Variants in SVEP1 observed in about 807,000 individuals in gnomAD.
SVEP1 encodes sushi, von Willebrand factor type A, EGF and pentraxin domain-containing protein 1.
A neutral mutation model predicts 367.3 loss-of-function variants in SVEP1; 164 were observed. That is an observed-to-expected ratio of 0.45 (90% CI 0.39 to 0.51). The LOEUF (loss-of-function observed/expected upper bound fraction) is 0.51, where lower values mean the gene tolerates loss of function less well. SVEP1 is among the 20% of genes least tolerant of loss of function. The pLI, the probability that SVEP1 is intolerant of heterozygous loss-of-function variation, is 0.00. For synonymous variants in SVEP1, 1,666 were observed against 1,611.6 expected (o/e 1.03, Z -0.81); for missense variants, 4,117 against 4,425.3 (o/e 0.93, Z 1.98).
chr9:110,383,971 A>AT (rs369712970), intron 43 of SVEP1, among the ~76,000 whole-genome samples: 17 of 150,872 alleles, frequency 1.1e-4, no homozygotes, highest in African/African-American at 3.9e-4. Context: ...GGGAAAAAAA[A>AT]ATGGTAGACT....
chr9:110,391,873 T>TG (rs1827660880), intron 40 of SVEP1, among the ~76,000 whole-genome samples: 1 of 151,598 alleles, frequency 6.6e-6, no homozygotes, highest in Non-Finnish European at 1.5e-5. Context: ...ATGTGGAGGG[T>TG]GGGGGGCATC....
intron 40 of SVEP1, among the ~76,000 whole-genome samples, chr9:110,394,637 C>A (rs1443381442): frequency 6.6e-6 from 1 of 152,072 alleles, no homozygotes; most frequent in East Asian, 1.9e-4. Context: ...CTAGAATAAC[C>A]AATGCAGAGA....
In SVEP1 at chr9:110,579,124, G is replaced by C; in HGVS notation, c.420C>G (p.Ile140Met). Reference sequence around the variant, plus strand: ...TGTGCTGGCGCGCGCGGCGGGTGGAGATGTAATCGACGCGCGGCACCACGT... The same window carrying C: ...TGTGCTGGCGCGCGCGGCGGGTGGACATGTAATCGACGCGCGGCACCACGT... ...KNYVVPRVDYISTRRARQHKC... is the reference protein window; with the variant it reads ...KNYVVPRVDYMSTRRARQHKC... Residue 140 changes from isoleucine to methionine, a missense_variant, in exon 1 of 48, where the codon ATC (isoleucine) becomes ATG (methionine). By Grantham distance (10) the Ile-to-Met change is conservative (BLOSUM62 1). Transcript: ENST00000374469. This position sits in a 1 kb window ranked among gnomAD's most constrained non-coding sequence, Gnocchi z 5.3. The C allele has an allele frequency of 6.4e-7, 1 of 1,554,150 alleles. No homozygotes were observed. The highest frequency in any genetic ancestry group is 1.2e-5 in the South Asian group (1 of 84,220).
chr9:110,563,566 A>T (rs561669450), intron 1 of SVEP1, among the ~76,000 whole-genome samples: 15 of 152,330 alleles, frequency 9.8e-5, no homozygotes, highest in African/African-American at 3.4e-4. Flanking sequence ...CAAATTCACA[A>T]AGAATGAGGG....
intron 36 of SVEP1, among the ~76,000 whole-genome samples, chr9:110,426,706 T>C (rs909866511): frequency 1.3e-5 from 2 of 152,194 alleles, no homozygotes; most frequent in African/African-American, 4.8e-5. Flanking sequence ...CCCTCCATAC[T>C]TTATTGGTTG....
At chr9:110,555,380 G>T (rs568321473) in intron 1 of SVEP1, among the ~76,000 whole-genome samples, 3 of 152,276 alleles carry the variant, frequency 2.0e-5, no homozygotes, top group Non-Finnish European at 4.4e-5. Context: ...TGAATGAGTT[G>T]GTCTTGAGTG....
intron 46 of SVEP1, 26 bp from the exon 47 acceptor site, chr9:110,370,042 T>TTTAA (rs780088228): frequency 3.8e-6 from 6 of 1,596,988 alleles, no homozygotes; most frequent in African/African-American, 2.7e-5. Flanking sequence ...CATGCATTTA[T>TTTAA]TTAATTAATA....
At chr9:110,525,858 A>G (rs1035520668) in intron 3 of SVEP1, among the ~76,000 whole-genome samples, 2 of 152,034 alleles carry the variant, frequency 1.3e-5, no homozygotes, top group Non-Finnish European at 2.9e-5. Context: ...TACGTGTACC[A>G]TGGTGGCTTG....
chr9:110,375,625 A>G (rs1041572484), intron 45 of SVEP1, among the ~76,000 whole-genome samples, 162 bp from the exon 46 acceptor site: 8 of 152,172 alleles, frequency 5.3e-5, no homozygotes, highest in Non-Finnish European at 1.0e-4. Flanking sequence ...TCTGCTTATT[A>G]ATGAGTATCA....
chr9:110,398,358 A>C (rs952052305), intron 40 of SVEP1, among the ~76,000 whole-genome samples: 7 of 152,230 alleles, frequency 4.6e-5, no homozygotes, highest in Non-Finnish European at 8.8e-5. Context: ...TGGATTAAAG[A>C]CTTAAATGTT....
intron 39 of SVEP1, among the ~76,000 whole-genome samples, chr9:110,402,595 A>C (rs1827881173): frequency 6.6e-6 from 1 of 152,226 alleles, no homozygotes; most frequent in African/African-American, 2.4e-5. Flanking sequence ...TGACTTAAAA[A>C]AAAAAGAGCT....
At chr9:110,544,893 C>G (rs1830198931) in intron 3 of SVEP1, among the ~76,000 whole-genome samples, 1 of 152,128 alleles carries the variant, frequency 6.6e-6, no homozygotes. Context: ...TAATTTATAT[C>G]TGTTACCCAA....
intron 1 of SVEP1, among the ~76,000 whole-genome samples, chr9:110,557,546 T>C (rs781084476): frequency 2.0e-5 from 3 of 148,712 alleles, no homozygotes; most frequent in Non-Finnish European, 3.0e-5. Flanking sequence ...GGAATTCTTA[T>C]ACTTTATATC....
chr9:110,555,363 A>G (rs960067915), intron 1 of SVEP1, among the ~76,000 whole-genome samples: 2 of 152,082 alleles, frequency 1.3e-5, no homozygotes, highest in African/African-American at 4.8e-5. Context: ...TCTGGAGCAG[A>G]GTTACTTGAA....
At chr9:110,443,783 G>A in intron 26 of SVEP1, 63 bp from the exon 27 acceptor site, 2 of 1,350,408 alleles carry the variant, frequency 1.5e-6, no homozygotes, top group Non-Finnish European at 1.9e-6. Context: ...CTTACTGTGG[G>A]GCATGCTACA....
chr9:110,375,463 G>A lies in SVEP1; in HGVS notation c.10505C>T (p.Pro3502Leu), dbSNP rs1460359038. ...GTTCAGACAGGGAAGAATGCAGATTGCTAAAAAAAAAAAAAAAAAAAAAAA... is the reference window on the plus strand; with the variant it reads ...GTTCAGACAGGGAAGAATGCAGATTACTAAAAAAAAAAAAAAAAAAAAAAA... ...EGWMGRLCEE[P>L]ICILPCLNGG... is the part of the protein sequence containing the mutation. Residue 3502 changes from proline (P) to leucine (L), a missense_variant and splice_region_variant, in exon 46 of 48, where the codon CCA becomes CTA. Coordinates refer to ENST00000374469, the MANE Select transcript of SVEP1 (RefSeq NM_153366.4). 9 of 387,752 alleles carry A rather than the reference G, an allele frequency of 2.3e-5. No individual in the cohort carries two copies. Among genetic ancestry groups the A allele is most frequent in the South Asian group, 4.1e-5 (1 of 24,302 alleles). 24.0% of individuals were successfully genotyped at this position (387,752 alleles called of 1,614,324 possible).
chr9:110,439,554 C>T (rs1033117319), intron 27 of SVEP1, among the ~76,000 whole-genome samples: 5 of 150,756 alleles, frequency 3.3e-5, no homozygotes, highest in South Asian at 2.1e-4. Flanking sequence ...CCACCACGCC[C>T]GGCTAATTTT....
chr9:110,377,028 A>G, intron 45 of SVEP1: 1 of 364,940 alleles, frequency 2.7e-6, no homozygotes. Context: ...GACTTTTGCA[A>G]ATTTGTGCCA....
chr9:110,488,389 A>C (rs950693292), intron 9 of SVEP1, among the ~76,000 whole-genome samples: 6 of 152,170 alleles, frequency 3.9e-5, no homozygotes, highest in Non-Finnish European at 5.9e-5. Context: ...GAGATAGAGA[A>C]GACCAGGGCT....
Sources: gnomAD v4.1 joint callset for allele counts (sites outside exome capture counted in the v4.1 genomes callset) on GRCh38, gnomAD v4.1.1 for gene constraint, Gnocchi (gnomAD v3.1) non-coding constraint, MANE v1.5 for transcripts, NCBI Gene and HGNC (gene_info 2026-07-23, HGNC 2026-07-21) for gene names.